PTPRN2: variants seen among roughly 807,000 people sequenced by gnomAD.
PTPRN2 encodes the protein protein tyrosine phosphatase receptor type N2.
PTPRN2 carries 74 observed loss-of-function variants against 118.8 expected under a neutral mutation model. The ratio of observed to expected loss-of-function variants is 0.62; its 90% CI spans 0.52 to 0.76. The LOEUF (loss-of-function observed/expected upper bound fraction) is 0.76. PTPRN2 is among the 30% of genes least tolerant of loss of function. PTPRN2 has a pLI of 0.00. For synonymous variants in PTPRN2, 641 were observed against 608.0 expected, an observed-to-expected ratio of 1.05 and a Z score of -0.80; for missense variants, 1,481 against 1,394.4, an observed-to-expected ratio of 1.06 and a Z score of -0.99.
intron 3 of PTPRN2, among the ~76,000 whole-genome samples, chr7:158,295,560 A>C (rs113790282): frequency 1.3e-4 from 5 of 39,950 alleles, no homozygotes; most frequent in East Asian, 7.0e-4. Flanking sequence ...AAGCCCATGG[A>C]GCTCGCTGAC....
Position 157,645,792 on chromosome 7 carries a change from G to A in PTPRN2, c.2196+10565C>T, listed in dbSNP as rs148834364. Among the ~76,000 whole-genome samples, 516 of 152,302 alleles carry A rather than the reference G, an allele frequency of 3.4e-3. 5 individuals carry two copies. The highest frequency in any genetic ancestry group is 0.011 in the African/African-American group (447 of 41,566). ...CCCGGTGTGGGTGGGCACCCCTGCC[G>A]TGGTTACCTTCCCCACAATGATGCC... is the stretch of plus-strand genomic sequence containing the variant. On this transcript the variant is annotated intron_variant, in intron 14 of 22. Coordinates refer to ENST00000389418, the MANE Select transcript of PTPRN2 (RefSeq NM_002847.5).
chr7:157,553,326 T>C (rs971916486), intron 21 of PTPRN2, among the ~76,000 whole-genome samples: 3 of 152,198 alleles, frequency 2.0e-5, no homozygotes, highest in African/African-American at 4.8e-5. Flanking sequence ...CCTGGGAGAC[T>C]GTCCCTCACT....
chr7:158,071,069 G>A lies in PTPRN2; in HGVS notation c.1723+10229C>T, dbSNP rs969061141. On this transcript the variant is annotated intron_variant, in intron 11 of 22. Coordinates refer to ENST00000389418, the MANE Select transcript of PTPRN2 (RefSeq NM_002847.5). ...GGTGCTCATGGTGGTGGAGGTGCTC[G>A]TGGTGGTGGAGGTGCCCGTGGTGGT... Among the ~76,000 whole-genome samples, 133 of 53,406 alleles carry A rather than the reference G, an allele frequency of 2.5e-3. 4 individuals are homozygous for A. The highest frequency in any genetic ancestry group is 6.4e-3 in the African/African-American group (54 of 8,440). The allele number at this position is 53,406 out of a possible 152,430, so 35.0% of individuals were successfully genotyped here.
chr7:158,330,968 C>T (rs1388889239), intron 2 of PTPRN2, among the ~76,000 whole-genome samples: 1 of 107,360 alleles, frequency 9.3e-6, no homozygotes. Flanking sequence ...GCAGACGACA[C>T]TCACACCCAC....
intron 2 of PTPRN2, among the ~76,000 whole-genome samples, chr7:158,348,239 C>T (rs965818593): frequency 1.3e-5 from 2 of 152,044 alleles, no homozygotes; most frequent in African/African-American, 2.4e-5. Flanking sequence ...TGCTGCAGAT[C>T]CCGGCCACTG....
At chr7:158,576,841 A>G (rs1371640964) in intron 1 of PTPRN2, among the ~76,000 whole-genome samples, 1 of 142,062 alleles carries the variant, frequency 7.0e-6, no homozygotes, top group Non-Finnish European at 1.5e-5. Flanking sequence ...CCTACACAAC[A>G]CTGAGGGCTG....
Position 157,987,221 on chromosome 7 carries a change from T to C in PTPRN2, c.1724-88484A>G, listed in dbSNP as rs141453137. On this transcript the variant is annotated intron_variant, in intron 11 of 22. Coordinates refer to ENST00000389418, the MANE Select transcript of PTPRN2 (RefSeq NM_002847.5). The surrounding 1 kb of genome is among the most constrained non-coding windows in gnomAD (Gnocchi z 4.3). ...GAAGCACGAAGTGTCCAGATCTGCT[T>C]CTGAAATCTCTTCCTCCCTTAAGGT... Among the ~76,000 whole-genome samples, 10 of 152,176 alleles carry C rather than the reference T, an allele frequency of 6.6e-5. No individual in the cohort carries two copies. The highest frequency in any genetic ancestry group is 1.2e-4 in the Non-Finnish European group (8 of 67,998).
At chr7:158,012,901 C>T (rs925591243) in intron 11 of PTPRN2, among the ~76,000 whole-genome samples, 4 of 152,192 alleles carry the variant, frequency 2.6e-5, no homozygotes, top group African/African-American at 9.6e-5. Context: ...CCAAATCAAA[C>T]CCTCAGTTCT....
In PTPRN2 at chr7:158,368,830, G is replaced by T. The variant is rs192485609; in HGVS notation, c.164-51898C>A. On this transcript the variant is annotated intron_variant, in intron 2 of 22. Transcript: ENST00000389418. ...AGGACGAGAGCTCTGCCAGACAGAG[G>T]TGAAGAGGCAGGAATTGTGTGGGGT... is the stretch of plus-strand genomic sequence containing the variant. Among the ~76,000 whole-genome samples, 25 of 152,332 alleles carry T rather than the reference G, an allele frequency of 1.6e-4. No individual in the cohort carries two copies. In the East Asian group the frequency reaches 3.1e-3, roughly 19 times the overall value.
At chr7:158,155,677 C>G (rs1821728195) in intron 6 of PTPRN2, among the ~76,000 whole-genome samples, 1 of 151,962 alleles carries the variant, frequency 6.6e-6, no homozygotes. Context: ...CCAGTGCCAT[C>G]ATCACCATCA....
intron 1 of PTPRN2, among the ~76,000 whole-genome samples, chr7:158,515,936 G>A (rs1422129215): frequency 3.9e-5 from 6 of 152,220 alleles, no homozygotes; most frequent in South Asian, 4.1e-4. Context: ...CTTTCTGGAC[G>A]TTGTAACCTC....
At chr7:157,819,902 GCA>G (rs1184169014) in intron 12 of PTPRN2, among the ~76,000 whole-genome samples, 1 of 149,944 alleles carries the variant, frequency 6.7e-6, no homozygotes, top group Admixed American at 6.6e-5. Flanking sequence ...ATGCTTATGT[GCA>G]CACACACAAC....
chr7:157,724,219 C>T (rs531288748), intron 12 of PTPRN2, among the ~76,000 whole-genome samples: 3 of 152,140 alleles, frequency 2.0e-5, no homozygotes, highest in African/African-American at 7.2e-5. Flanking sequence ...CGCTGGTTTA[C>T]GTGACATTTA....
intron 1 of PTPRN2, among the ~76,000 whole-genome samples, chr7:158,577,248 A>G: frequency 8.0e-6 from 1 of 124,740 alleles, no homozygotes; most frequent in Non-Finnish European, 1.7e-5. Flanking sequence ...CCTGAATGCC[A>G]CAGACAGCAT....
intron 1 of PTPRN2, among the ~76,000 whole-genome samples, chr7:158,524,332 G>A (rs1170701148): frequency 4.3e-5 from 3 of 69,002 alleles, no homozygotes; most frequent in Non-Finnish European, 9.0e-5. Flanking sequence ...AGTCTGCCCT[G>A]GAGTGGAGTC....
At chr7:157,624,841 T>C (rs572080294) in intron 14 of PTPRN2, among the ~76,000 whole-genome samples, 9 of 152,154 alleles carry the variant, frequency 5.9e-5, no homozygotes, top group Non-Finnish European at 1.0e-4. Context: ...CATTTAGCTA[T>C]AGGTGTTTTT....
chr7:157,575,769 C>T (rs1265497986), intron 19 of PTPRN2, among the ~76,000 whole-genome samples: 1 of 152,186 alleles, frequency 6.6e-6, no homozygotes, highest in Non-Finnish European at 1.5e-5. Context: ...GATTCAAATG[C>T]ATTTTTTCTT....
intron 5 of PTPRN2, among the ~76,000 whole-genome samples, chr7:158,177,952 C>T (rs1010511359): frequency 2.0e-5 from 3 of 152,192 alleles, no homozygotes; most frequent in African/African-American, 4.8e-5. Flanking sequence ...TTTTCCAAAT[C>T]GTTGTTAATG....
At chr7:158,081,867 G>C (rs1187773830) in intron 10 of PTPRN2, among the ~76,000 whole-genome samples, 1 of 152,084 alleles carries the variant, frequency 6.6e-6, no homozygotes, top group Admixed American at 6.6e-5. Flanking sequence ...TGCTAGACAG[G>C]AATTATCAAA....
Sources: allele counts gnomAD v4.1 joint callset (sites outside exome capture counted in the v4.1 genomes callset), GRCh38; gene constraint gnomAD v4.1.1; non-coding constraint Gnocchi (gnomAD v3.1); transcripts MANE v1.5; gene names NCBI Gene and HGNC (gene_info 2026-07-23, HGNC 2026-07-21).